ZNRF2: variants seen among roughly 807,000 people sequenced by gnomAD.
ZNRF2 encodes E3 ubiquitin-protein ligase ZNRF2.
A neutral mutation model predicts 20.4 loss-of-function variants in ZNRF2; 16 were observed. The ratio of observed to expected loss-of-function variants is 0.79; its 90% CI spans 0.53 to 1.19. The LOEUF is 1.19. Among genes scored for constraint, ZNRF2 ranks in the 50% most tolerant of loss-of-function variants. The probability of loss-of-function intolerance (pLI) is 0.00; values close to 1 mark genes in which losing one functional copy is unlikely to be tolerated. For missense variants in ZNRF2, 363 were observed against 332.4 expected (o/e 1.09, Z -0.72); for synonymous variants, 178 against 144.9 (o/e 1.23, Z -1.64).
At chr7:30,326,590 G>A (rs1799556199) in intron 2 of ZNRF2, among the ~76,000 whole-genome samples, 1 of 152,158 alleles carries the variant, frequency 6.6e-6, no homozygotes, top group Admixed American at 6.6e-5. Flanking sequence ...CAGTGCTGCA[G>A]TGAACATATG....
intron 2 of ZNRF2, among the ~76,000 whole-genome samples, chr7:30,338,426 C>A (rs534828446): frequency 7.5e-6 from 1 of 132,990 alleles, no homozygotes; most frequent in Admixed American, 7.5e-5. Flanking sequence ...TCCCCTAGCC[C>A]CCCCCCACCC....
intron 2 of ZNRF2, among the ~76,000 whole-genome samples, chr7:30,352,193 C>T (rs776953732): frequency 4.3e-4 from 66 of 151,836 alleles, no homozygotes; most frequent in Non-Finnish European, 7.8e-4. Context: ...CATTTTTGTT[C>T]GTGAGAATGG....
At chr7:30,317,662 A>G (rs1270939741) in intron 1 of ZNRF2, among the ~76,000 whole-genome samples, 1 of 152,178 alleles carries the variant, frequency 6.6e-6, no homozygotes, top group Admixed American at 6.5e-5. Context: ...CAGTAATGCA[A>G]AAGAGGGCCA....
intron 1 of ZNRF2, among the ~76,000 whole-genome samples, chr7:30,297,423 C>A (rs56067345): frequency 0.012 from 1,752 of 152,262 alleles, 33 homozygotes; most frequent in African/African-American, 0.039. Context: ...ATAGTTCCTA[C>A]TGAGAAAGAA....
intron 1 of ZNRF2, among the ~76,000 whole-genome samples, chr7:30,313,211 T>C (rs908972136): frequency 6.6e-6 from 1 of 152,076 alleles, no homozygotes; most frequent in East Asian, 1.9e-4. Flanking sequence ...CTGGTACAGG[T>C]TTTTCCTAGT....
intron 3 of ZNRF2, among the ~76,000 whole-genome samples, chr7:30,360,674 G>A (rs907322675): frequency 1.3e-5 from 2 of 152,098 alleles, no homozygotes; most frequent in African/African-American, 4.8e-5. Context: ...CAGGCTGGGC[G>A]ACAGAGCAAG....
intron 1 of ZNRF2, among the ~76,000 whole-genome samples, chr7:30,320,761 A>T (rs1799456317): frequency 6.6e-6 from 1 of 152,080 alleles, no homozygotes; most frequent in African/African-American, 2.4e-5. Context: ...TATATTAAGG[A>T]TATTGTCCTT....
intron 4 of ZNRF2, among the ~76,000 whole-genome samples, chr7:30,364,181 T>C (rs746421543): frequency 1.2e-4 from 19 of 152,176 alleles, no homozygotes; most frequent in Non-Finnish European, 2.5e-4. Flanking sequence ...AGTAGCAGAT[T>C]AGAATATTGA....
chr7:30,366,035 G>A lies in ZNRF2; in HGVS notation c.*23G>A, dbSNP rs1473801585. 1.3e-5 allele frequency: 2 copies of A among 152,232 alleles called. No homozygotes were observed. Among genetic ancestry groups the A allele is most frequent in the African/African-American group, 4.8e-5 (2 of 41,408 alleles). 9.4% of individuals were successfully genotyped at this position (152,232 alleles called of 1,614,324 possible). On this transcript the variant is annotated splice_region_variant and 3_prime_UTR_variant, in exon 5 of 5. Coordinates refer to ENST00000323037, the MANE Select transcript of ZNRF2 (RefSeq NM_147128.4). ...CATGGGGAAATCTATTTTTACACAG[G>A]TTTTCTTGTCTTGACAAGATGCTTG...
Position 30,366,111 on chromosome 7 carries a change from C to G in ZNRF2, c.*99C>G, listed in dbSNP as rs1173541520. Reference sequence around the variant, plus strand: ...GTCTCTGGAGAAACAAAGACGCAGGCATACTCAGCCAGAAATCTGAGTTTT... The same window carrying G: ...GTCTCTGGAGAAACAAAGACGCAGGGATACTCAGCCAGAAATCTGAGTTTT... On this transcript the variant is annotated 3_prime_UTR_variant, in exon 5 of 5. Coordinates refer to ENST00000323037, the MANE Select transcript of ZNRF2 (RefSeq NM_147128.4). 1 of 152,570 alleles carries G rather than the reference C, an allele frequency of 6.6e-6. No homozygotes were observed. The highest frequency in any genetic ancestry group is 1.5e-5 in the Non-Finnish European group (1 of 68,036). The allele number at this position is 152,570 out of a possible 1,614,324, so 9.5% of individuals were successfully genotyped here. A position where few individuals can be genotyped will look rare whatever the true frequency, so the allele number is the denominator to read the frequency against.
chr7:30,308,728 A>T lies in ZNRF2; in HGVS notation c.470-14914A>T, dbSNP rs1799246511. 2.0e-5 allele frequency among the ~76,000 whole-genome samples: 3 copies of T among 152,176 alleles called. No individual in the cohort carries two copies. In the South Asian group the frequency reaches 6.2e-4, roughly 32 times the overall value. ...TGTTTGAGAGTTTGTATTTCTTTAC[A>T]TCCTCTGTAACAATTAGTATTGTCA... On this transcript the variant is annotated intron_variant, in intron 1 of 4. Coordinates refer to ENST00000323037, the MANE Select transcript of ZNRF2 (RefSeq NM_147128.4).
intron 1 of ZNRF2, among the ~76,000 whole-genome samples, chr7:30,295,081 G>GTGTGTGTGTGTGTGTGTGTGTT: frequency 6.7e-6 from 1 of 149,628 alleles, no homozygotes; most frequent in Middle Eastern, 3.2e-3. Flanking sequence ...GTGTGTGTGT[G>GTGTGTGTGTGTGTGTGTGTGTT]TGTGTGTGTG....
chr7:30,322,375 G>T (rs1332330498), intron 1 of ZNRF2, among the ~76,000 whole-genome samples: 6 of 152,170 alleles, frequency 3.9e-5, no homozygotes, highest in African/African-American at 7.2e-5. Flanking sequence ...ACAGTGAAGG[G>T]AGGACAGTTC....
At position 30,284,657 on chromosome 7, in the gene ZNRF2, C is replaced by G. The variant is rs1015430980; in HGVS notation, c.-701C>G. On this transcript the variant is annotated 5_prime_UTR_variant, in exon 1 of 5. Transcript: ENST00000323037. ...GCTCCGCGGCCTTCCGGCGCGGGGC[C>G]GGGGAACCTCCTCCCCATCTGCGCA... 7.8e-5 allele frequency: 12 copies of G among 153,822 alleles called. No homozygotes were observed. Among genetic ancestry groups the G allele is most frequent in the African/African-American group, 2.7e-4 (11 of 41,390 alleles). The allele number at this position is 153,822 out of a possible 1,614,324, so 9.5% of individuals were successfully genotyped here.
At chr7:30,343,298 G>C (rs562687204) in intron 2 of ZNRF2, among the ~76,000 whole-genome samples, 20 of 152,214 alleles carry the variant, frequency 1.3e-4, no homozygotes, top group Admixed American at 8.5e-4. Flanking sequence ...CTGGATGACA[G>C]AGCAAGACTG....
chr7:30,325,367 C>T (rs764376113), intron 2 of ZNRF2, among the ~76,000 whole-genome samples: 6 of 151,956 alleles, frequency 3.9e-5, no homozygotes, highest in East Asian at 3.9e-4. Flanking sequence ...CAATTATGTG[C>T]GAGGTACTGT....
At chr7:30,363,901 T>TA (rs1800168179) in intron 4 of ZNRF2, among the ~76,000 whole-genome samples, 1 of 152,358 alleles carries the variant, frequency 6.6e-6, no homozygotes, top group Admixed American at 6.5e-5. Flanking sequence ...ATTGGATTGT[T>TA]ATATCAAGGC....
intron 1 of ZNRF2, among the ~76,000 whole-genome samples, chr7:30,295,963 G>A (rs1310946117): frequency 6.6e-6 from 1 of 152,084 alleles, no homozygotes; most frequent in East Asian, 1.9e-4. Flanking sequence ...TTTTTATAAT[G>A]TGTCTTCCTT....
intron 1 of ZNRF2, among the ~76,000 whole-genome samples, chr7:30,297,247 C>T (rs1394925874): frequency 6.6e-6 from 1 of 152,124 alleles, no homozygotes; most frequent in Non-Finnish European, 1.5e-5. Context: ...TTTTGAGACC[C>T]TCTGACCTAC....
Sources: allele counts gnomAD v4.1 joint callset (sites outside exome capture counted in the v4.1 genomes callset), GRCh38; gene constraint gnomAD v4.1.1; transcripts MANE v1.5; gene names NCBI Gene and HGNC (gene_info 2026-07-23, HGNC 2026-07-21).